NKAIN2: variants seen among roughly 807,000 people sequenced by gnomAD.
NKAIN2 encodes sodium/potassium transporting ATPase interacting 2.
Under a neutral mutation model 32.6 loss-of-function variants are expected in NKAIN2, and 14 were observed. The observed-to-expected ratio is 0.43, with a 90% CI of 0.28 to 0.67. NKAIN2 has a LOEUF of 0.67. Ranked by LOEUF, NKAIN2 falls within the 30% of genes least tolerant of loss-of-function variation. The probability of loss-of-function intolerance (pLI) is 0.17; values close to 1 mark genes in which losing one functional copy is unlikely to be tolerated. For synonymous variants in NKAIN2, 80 were observed against 87.2 expected, an observed-to-expected ratio of 0.92 and a Z score of 0.46; for missense variants, 198 against 258.3, an observed-to-expected ratio of 0.77 and a Z score of 1.60.
At chr6:124,044,110 T>G (rs1782008141) in intron 1 of NKAIN2, among the ~76,000 whole-genome samples, 1 of 152,054 alleles carries the variant, frequency 6.6e-6, no homozygotes, top group South Asian at 2.1e-4. Context: ...TTTAGAAAAT[T>G]ACTTAATAGT....
At chr6:124,242,313 T>G (rs1001249549) in intron 1 of NKAIN2, among the ~76,000 whole-genome samples, 1 of 152,120 alleles carries the variant, frequency 6.6e-6, no homozygotes, top group Non-Finnish European at 1.5e-5. Flanking sequence ...TCACTGGTCA[T>G]TAGAGAAATG....
chr6:123,887,992 T>C (rs1213724466), intron 1 of NKAIN2, among the ~76,000 whole-genome samples: 1 of 152,154 alleles, frequency 6.6e-6, no homozygotes, highest in African/African-American at 2.4e-5. Context: ...ATACTACTCG[T>C]ATTGGTAATT....
chr6:124,647,634 T>A (rs1441405950), intron 3 of NKAIN2, among the ~76,000 whole-genome samples: 1 of 151,954 alleles, frequency 6.6e-6, no homozygotes, highest in Non-Finnish European at 1.5e-5. Flanking sequence ...ATTGCTTTTT[T>A]AAAAACAGAT....
intron 1 of NKAIN2, among the ~76,000 whole-genome samples, chr6:124,179,519 A>C (rs1233778216): frequency 6.6e-6 from 1 of 152,230 alleles, no homozygotes; most frequent in Non-Finnish European, 1.5e-5. Context: ...TGGTAATTAA[A>C]GTTTAAATCA....
intron 1 of NKAIN2, among the ~76,000 whole-genome samples, chr6:123,878,041 A>C (rs112218311): frequency 3.6e-4 from 55 of 152,236 alleles, no homozygotes; most frequent in African/African-American, 1.3e-3. Flanking sequence ...AGCCTGACCA[A>C]CATGGAGAAA....
At chr6:124,687,728 AAT>A (rs1406793859) in intron 4 of NKAIN2, among the ~76,000 whole-genome samples, 4 of 78,032 alleles carry the variant, frequency 5.1e-5, no homozygotes, top group Non-Finnish European at 9.9e-5. Flanking sequence ...ATATAATATA[AAT>A]ATATATGATA....
At chr6:124,065,569 C>G (rs1421365165) in intron 1 of NKAIN2, among the ~76,000 whole-genome samples, 1 of 152,118 alleles carries the variant, frequency 6.6e-6, no homozygotes, top group Non-Finnish European at 1.5e-5. Flanking sequence ...CCATTTTGCC[C>G]TATTTCTGCC....
intron 1 of NKAIN2, among the ~76,000 whole-genome samples, chr6:123,923,695 A>G (rs1208181732): frequency 6.6e-6 from 1 of 150,566 alleles, no homozygotes; most frequent in Non-Finnish European, 1.5e-5. Context: ...GCAAGAACAA[A>G]AAACCAAACA....
chr6:124,452,276 T>C (rs945369006), intron 3 of NKAIN2, among the ~76,000 whole-genome samples: 1 of 151,910 alleles, frequency 6.6e-6, no homozygotes, highest in Non-Finnish European at 1.5e-5. Flanking sequence ...TATTGTGTAC[T>C]GAGTTGCTCC....
At chr6:123,991,575 AT>A (rs1779411846) in intron 1 of NKAIN2, among the ~76,000 whole-genome samples, 1 of 152,142 alleles carries the variant, frequency 6.6e-6, no homozygotes, top group Admixed American at 6.6e-5. Context: ...AATATAAAAT[AT>A]TTTTGGCTGG....
chr6:124,803,083 G>T (rs1562391874), intron 5 of NKAIN2, among the ~76,000 whole-genome samples: 1 of 152,164 alleles, frequency 6.6e-6, no homozygotes, highest in African/African-American at 2.4e-5. Flanking sequence ...GCTGGGTGTT[G>T]TCTCCTGCTC....
chr6:124,823,001 T>A (rs1781453615), intron 6 of NKAIN2, among the ~76,000 whole-genome samples: 1 of 152,204 alleles, frequency 6.6e-6, no homozygotes. Flanking sequence ...CAGTTGTCCC[T>A]GGAAATAGAT....
intron 2 of NKAIN2, among the ~76,000 whole-genome samples, chr6:124,320,828 T>G (rs1797147236): frequency 6.6e-6 from 1 of 152,210 alleles, no homozygotes; most frequent in Admixed American, 6.6e-5. Context: ...ACTTTTTGGG[T>G]GCTTGTGGGT....
intron 1 of NKAIN2, among the ~76,000 whole-genome samples, chr6:124,092,510 T>C (rs1201460710): frequency 6.6e-6 from 1 of 152,106 alleles, no homozygotes; most frequent in African/African-American, 2.4e-5. Context: ...TCTGTAATTC[T>C]TTCCTTTGTG....
chr6:123,896,660 T>C (rs1774293885), intron 1 of NKAIN2, among the ~76,000 whole-genome samples: 1 of 152,158 alleles, frequency 6.6e-6, no homozygotes. Flanking sequence ...CTTTAATGTG[T>C]TTTTGTTTGT....
At position 123,830,145 on chromosome 6, in the gene NKAIN2, G is replaced by A. The variant is rs114378033; in HGVS notation, c.54+25891G>A. ...GTAGTTTGCATCCTAAAAATTTATT[G>A]GCTGGGTTCATCTCTTCTTAGTGAC... On this transcript the variant is annotated intron_variant, in intron 1 of 6. Transcript: ENST00000368417. Among the ~76,000 whole-genome samples the A allele has an allele frequency of 3.0e-3, 463 of 152,064 alleles. 3 individuals carry two copies. The highest frequency in any genetic ancestry group is 0.01 in the African/African-American group (424 of 41,484).
chr6:124,395,641 T>C (rs1050975611), intron 3 of NKAIN2, among the ~76,000 whole-genome samples: 1 of 152,234 alleles, frequency 6.6e-6, no homozygotes, highest in African/African-American at 2.4e-5. Flanking sequence ...TAATATTAAA[T>C]TCCTCTCTTA....
chr6:124,574,138 G>A (rs1446250010), intron 3 of NKAIN2, among the ~76,000 whole-genome samples: 1 of 152,176 alleles, frequency 6.6e-6, no homozygotes, highest in African/African-American at 2.4e-5. Context: ...GGAGGCAGCT[G>A]CAGGGCAACT....
intron 3 of NKAIN2, among the ~76,000 whole-genome samples, chr6:124,406,435 T>C (rs1583199198): frequency 6.6e-6 from 1 of 152,286 alleles, no homozygotes; most frequent in East Asian, 1.9e-4. Flanking sequence ...TCTGATTAGA[T>C]GGATACATGA....
Sources: gnomAD v4.1 joint callset for allele counts (sites outside exome capture counted in the v4.1 genomes callset) on GRCh38, gnomAD v4.1.1 for gene constraint, MANE v1.5 for transcripts, NCBI Gene and HGNC (gene_info 2026-07-23, HGNC 2026-07-21) for gene names.